EDN1: variants seen among roughly 807,000 people sequenced by gnomAD.
EDN1 encodes the protein endothelin-1.
In EDN1, 11 loss-of-function variants were observed where a neutral mutation model predicts 21.7. The observed-to-expected ratio is 0.51, with a 90% CI of 0.32 to 0.84. The LOEUF is 0.84. Among genes scored for constraint, EDN1 ranks in the 40% least tolerant of loss-of-function variants. EDN1 has a pLI of 0.03. For synonymous variants in EDN1, 85 were observed against 90.6 expected (o/e 0.94, Z 0.35); for missense variants, 244 against 262.3 (o/e 0.93, Z 0.48).
At position 12,296,388 on chromosome 6, in the gene EDN1, C is replaced by T. The variant is rs1023045945; in HGVS notation, c.*321C>T. ...AGAGAGAGAGGAAGGAGATTCCACA[C>T]AGGGGTGGAGTTTCTGACGAAGGTC... On this transcript the variant is annotated 3_prime_UTR_variant, in exon 5 of 5. Transcript: ENST00000379375. The T allele has an allele frequency of 6.5e-5, 21 of 322,130 alleles. No individual in the cohort carries two copies. The highest frequency in any genetic ancestry group is 3.8e-4 in the African/African-American group (18 of 47,412). The allele number at this position is 322,130 out of a possible 1,614,324, so 20.0% of individuals were successfully genotyped here. A position where few individuals can be genotyped will look rare whatever the true frequency, so the allele number is the denominator to read the frequency against.
At chr6:12,242,150 A>T in the EDN1 span, among the ~76,000 whole-genome samples, 1 of 152,192 alleles carries the variant, frequency 6.6e-6, no homozygotes, top group Non-Finnish European at 1.5e-5. Context: ...GAATTCCTTG[A>T]CCATCGATAC....
At chr6:12,285,974 T>A (rs1468763436), upstream of EDN1, among the ~76,000 whole-genome samples, 1 of 152,232 alleles carries the variant, frequency 6.6e-6, no homozygotes, top group Admixed American at 6.5e-5. Context: ...TTCATATGGA[T>A]TATTTAAGCA....
chr6:12,263,029 G>C, the EDN1 span, among the ~76,000 whole-genome samples: 1 of 152,110 alleles, frequency 6.6e-6, no homozygotes, highest in East Asian at 1.9e-4. Context: ...GTAATTATAA[G>C]GAGTCAATGT....
At chr6:12,273,604 C>CTTTTTTTT in the EDN1 span, among the ~76,000 whole-genome samples, 3 of 83,344 alleles carry the variant, frequency 3.6e-5, no homozygotes, top group African/African-American at 5.1e-5. Flanking sequence ...GTAGGCAGGA[C>CTTTTTTTT]TTTTTTTTTT....
At chr6:12,275,557 A>G in the EDN1 span, among the ~76,000 whole-genome samples, 1 of 152,194 alleles carries the variant, frequency 6.6e-6, no homozygotes, top group South Asian at 2.1e-4. Context: ...ATATTTATAT[A>G]ATATTTGTAA....
At chr6:12,270,514 T>A in the EDN1 span, among the ~76,000 whole-genome samples, 1 of 152,178 alleles carries the variant, frequency 6.6e-6, no homozygotes, top group African/African-American at 2.4e-5. Context: ...TTAAATTTCC[T>A]TTTTAATTTC....
rs10478711 is a variant in EDN1, at chr6:12,292,267, A to C, written c.65-74A>C. On this transcript the variant is annotated intron_variant, in intron 1 of 4. Coordinates refer to ENST00000379375, the MANE Select transcript of EDN1 (RefSeq NM_001955.5). The stretch of plus-strand genomic sequence containing the variant: ...GCTTTTATCTGCTCTGCTAGCTCTG[A>C]CTCTACTGTGATCCAGCATGTCTCT... 1,560 of 1,596,056 alleles carry C rather than the reference A, an allele frequency of 9.8e-4. 6 individuals carry two copies. The African/African-American group carries it at 0.011, about 12-fold the overall frequency.
At chr6:12,236,709 A>C in the EDN1 span, among the ~76,000 whole-genome samples, 2 of 152,108 alleles carry the variant, frequency 1.3e-5, no homozygotes, top group Non-Finnish European at 2.9e-5. Context: ...TAAATCTCTT[A>C]TCCTGAGTAA....
chr6:12,272,192 C>T, the EDN1 span, among the ~76,000 whole-genome samples: 4 of 152,088 alleles, frequency 2.6e-5, no homozygotes, highest in South Asian at 8.3e-4. Flanking sequence ...AGACTGGTCA[C>T]TGCTTGATAA....
chr6:12,230,578 G>A, the EDN1 span, among the ~76,000 whole-genome samples: 1 of 152,118 alleles, frequency 6.6e-6, no homozygotes, highest in Non-Finnish European at 1.5e-5. Context: ...GCATAAAAAT[G>A]TGAAGAACGT....
At chr6:12,251,386 G>C in the EDN1 span, among the ~76,000 whole-genome samples, 1 of 152,174 alleles carries the variant, frequency 6.6e-6, no homozygotes, top group Non-Finnish European at 1.5e-5. Context: ...CAATGTGAAT[G>C]ATATCTCATC....
the EDN1 span, among the ~76,000 whole-genome samples, chr6:12,241,882 A>G: frequency 6.6e-6 from 1 of 152,200 alleles, no homozygotes; most frequent in African/African-American, 2.4e-5. Flanking sequence ...AAGGAGAACA[A>G]GGGTGTGATG....
the EDN1 span, among the ~76,000 whole-genome samples, chr6:12,234,381 G>A: frequency 6.6e-6 from 1 of 152,178 alleles, no homozygotes; most frequent in Non-Finnish European, 1.5e-5. Context: ...CCTTTCATGG[G>A]GTGAATCCCA....
chr6:12,258,449 C>CAAAAAAAAAAAAAAAAAAAAAAAAA, the EDN1 span, among the ~76,000 whole-genome samples: 1 of 63,658 alleles, frequency 1.6e-5, no homozygotes, highest in African/African-American at 4.9e-5. Context: ...GATCATGTCT[C>CAAAAAAAAAAAAAAAAAAAAAAAAA]AAAAAAAAAA....
At chr6:12,254,274 T>G in the EDN1 span, among the ~76,000 whole-genome samples, 2 of 152,184 alleles carry the variant, frequency 1.3e-5, no homozygotes, top group African/African-American at 4.8e-5. Context: ...TGAGGGTGTT[T>G]CCCTCTGCCT....
chr6:12,261,260 T>C, the EDN1 span, among the ~76,000 whole-genome samples: 5 of 152,228 alleles, frequency 3.3e-5, no homozygotes, highest in East Asian at 9.7e-4. Flanking sequence ...CGACTAAAAC[T>C]GAAGTATAAT....
At chr6:12,241,240 A>G in the EDN1 span, among the ~76,000 whole-genome samples, 5 of 148,342 alleles carry the variant, frequency 3.4e-5, no homozygotes, top group African/African-American at 1.2e-4. Context: ...ATCTTGGCTC[A>G]CCGCAACCTC....
chr6:12,294,211 A>G, intron 3 of EDN1, 50 bp from the exon 4 acceptor site: 1 of 1,613,796 alleles, frequency 6.2e-7, no homozygotes. Context: ...AAGTCAGGGT[A>G]AAGCTGAATA....
chr6:12,289,848 G>T (rs1227268075), upstream of EDN1, among the ~76,000 whole-genome samples: 1 of 152,192 alleles, frequency 6.6e-6, no homozygotes, highest in Non-Finnish European at 1.5e-5. Context: ...TGCCAAAATA[G>T]TCTGACCCCC....
Sources: allele counts gnomAD v4.1 joint callset (sites outside exome capture counted in the v4.1 genomes callset), GRCh38; gene constraint gnomAD v4.1.1; transcripts MANE v1.5; gene names NCBI Gene and HGNC (gene_info 2026-07-23, HGNC 2026-07-21).